Variants in E2F7 observed in about 807,000 individuals in gnomAD.
The protein encoded by E2F7 is transcription factor E2F7.
E2F7 carries 35 observed loss-of-function variants against 81.1 expected under a neutral mutation model. The ratio of observed to expected loss-of-function variants is 0.43; its 90% CI spans 0.33 to 0.57. E2F7 has a LOEUF of 0.57. Ranked by LOEUF, E2F7 falls within the 20% of genes least tolerant of loss-of-function variation. The probability of loss-of-function intolerance (pLI) is 0.04; values close to 1 mark genes in which losing one functional copy is unlikely to be tolerated. For synonymous variants in E2F7, 416 were observed against 416.2 expected (o/e 1.00, Z 0.01); for missense variants, 961 against 1,093.7 (o/e 0.88, Z 1.71).
intron 8 of E2F7, 62 bp downstream of exon 8, chr12:77,033,795 C>G: frequency 6.9e-7 from 1 of 1,458,708 alleles, no homozygotes; most frequent in Non-Finnish European, 9.1e-7. Context: ...GGGTGCTGCA[C>G]TGGCATGGGC....
intron 7 of E2F7, among the ~76,000 whole-genome samples, chr12:77,041,761 C>A (rs745401526): frequency 6.6e-6 from 1 of 152,294 alleles, no homozygotes; most frequent in East Asian, 1.9e-4. Context: ...AGTACCACCC[C>A]GTCTAGCATG....
intron 7 of E2F7, among the ~76,000 whole-genome samples, chr12:77,035,813 A>G (rs1048657374): frequency 6.6e-6 from 1 of 152,188 alleles, no homozygotes; most frequent in Non-Finnish European, 1.5e-5. Flanking sequence ...ATTGCATACC[A>G]TAAATTCAAG....
chr12:77,048,154 G>C (rs915768917), intron 4 of E2F7, among the ~76,000 whole-genome samples: 3 of 152,158 alleles, frequency 2.0e-5, no homozygotes, highest in African/African-American at 7.2e-5. Context: ...CTGCCTGTCT[G>C]CACAATCCCT....
chr12:77,065,082 C>CT (rs1338096757), intron 1 of E2F7, among the ~76,000 whole-genome samples: 4 of 152,164 alleles, frequency 2.6e-5, no homozygotes, highest in African/African-American at 9.7e-5. Flanking sequence ...AGCGCAGCCC[C>CT]TTCCCAGGCC....
chr12:77,035,820 C>G (rs894791797), intron 7 of E2F7, among the ~76,000 whole-genome samples: 1 of 151,896 alleles, frequency 6.6e-6, no homozygotes, highest in African/African-American at 2.4e-5. Context: ...ACCATAAATT[C>G]AAGACACTAG....
chr12:77,057,762 A>G (rs1955044629), intron 2 of E2F7, among the ~76,000 whole-genome samples: 1 of 152,220 alleles, frequency 6.6e-6, no homozygotes, highest in South Asian at 2.1e-4. Flanking sequence ...TGAGAATTCG[A>G]TAATTCAATA....
intron 1 of E2F7, 123 bp from the exon 2 acceptor site, chr12:77,064,758 T>A: frequency 1.3e-6 from 1 of 795,550 alleles, no homozygotes; most frequent in Non-Finnish European, 2.0e-6. Context: ...AAGCACATCC[T>A]GGGCATTTCC....
intron 2 of E2F7, among the ~76,000 whole-genome samples, chr12:77,057,483 T>A (rs1955042802): frequency 6.6e-6 from 1 of 152,194 alleles, no homozygotes; most frequent in Admixed American, 6.5e-5. Flanking sequence ...GTGCTAGGAT[T>A]ACAGGCATGA....
At chr12:77,057,095 C>T (rs937018667) in intron 2 of E2F7, among the ~76,000 whole-genome samples, 1 of 151,956 alleles carries the variant, frequency 6.6e-6, no homozygotes, top group Non-Finnish European at 1.5e-5. Context: ...CTCTGTAACC[C>T]AGGCTGGAGG....
chr12:77,053,579 T>C (rs1227002168), intron 3 of E2F7, among the ~76,000 whole-genome samples: 1 of 152,198 alleles, frequency 6.6e-6, no homozygotes, highest in Non-Finnish European at 1.5e-5. Context: ...TGAGAACCAC[T>C]GCCCAAGGCA....
In E2F7 at chr12:77,046,301, A is replaced by G; in HGVS notation, c.566T>C (p.Ile189Thr). 6.2e-7 allele frequency: 1 copy of G among 1,613,596 alleles called. No individual in the cohort carries two copies. The highest frequency in any genetic ancestry group is 8.5e-7 in the Non-Finnish European group (1 of 1,179,608). The change falls in exon 5 of 13, where the codon ATT becomes ACT. Residue 189 changes from isoleucine to threonine, a missense_variant. Physicochemically the swap from Ile to Thr is moderately conservative, Grantham distance 89 (BLOSUM62 -1). Transcript: ENST00000322886. ...ATGCAGCGACTCCAGCACATTTACAATGTCATAGATGCGTCTCCTTTCCAC... is the reference window on the plus strand; with the variant it reads ...ATGCAGCGACTCCAGCACATTTACAGTGTCATAGATGCGTCTCCTTTCCAC... ...LGVERRRIYD[I>T]VNVLESLHLV...
intron 7 of E2F7, among the ~76,000 whole-genome samples, chr12:77,040,825 A>G (rs1464971397): frequency 6.6e-6 from 1 of 152,206 alleles, no homozygotes; most frequent in Non-Finnish European, 1.5e-5. Context: ...ACTTCCTGCC[A>G]TTTATTGCAT....
At chr12:77,035,135 G>T (rs891659877) in intron 7 of E2F7, among the ~76,000 whole-genome samples, 1 of 152,140 alleles carries the variant, frequency 6.6e-6, no homozygotes, top group African/African-American at 2.4e-5. Context: ...TTTGCTTACT[G>T]CCTGGAGAAT....
intron 9 of E2F7, 97 bp downstream of exon 9, chr12:77,032,953 C>T: frequency 8.6e-7 from 1 of 1,160,990 alleles, no homozygotes; most frequent in Non-Finnish European, 1.2e-6. Context: ...AACGGCTGAC[C>T]TAAATTTTTT....
chr12:77,029,710 A>G lies in E2F7; in HGVS notation c.1884+121T>C. ...AGCCACTCCAGTGCTTAATTATGCA[A>G]GTGACATGAAACAGCTCCATATTCC... On this transcript the variant is annotated intron_variant, in intron 10 of 12. Coordinates refer to ENST00000322886, the MANE Select transcript of E2F7 (RefSeq NM_203394.3). The G allele has an allele frequency of 6.1e-6, 9 of 1,465,868 alleles. No individual in the cohort carries two copies. The South Asian group carries it at 1.1e-4, about 18-fold the overall frequency. 90.8% of individuals were successfully genotyped at this position (1,465,868 alleles called of 1,614,324 possible).
rs779479853 is a variant in E2F7 at position 77,055,923 on chromosome 12, G to A, written c.301C>T (p.Arg101Trp). The A allele has an allele frequency of 9.3e-6, 15 of 1,613,776 alleles. No individual in the cohort carries two copies. Among genetic ancestry groups the A allele is most frequent in the East Asian group, 8.9e-5 (4 of 44,872 alleles). The part of the protein sequence containing the change: ...ISAASPDIRD[R>W]EKKKGLFRPI... ...CGGAATAGTCCCTTTTTCTTCTCCC[G>A]GTCCCTTATATCTGGGCTGGCAGCA... Residue 101 changes from arginine to tryptophan, a missense_variant, in exon 3 of 13, where the codon CGG becomes TGG. Coordinates refer to ENST00000322886, the MANE Select transcript of E2F7 (RefSeq NM_203394.3).
At position 77,028,133 on chromosome 12, in the gene E2F7, G is replaced by A. The variant is rs774743256; in HGVS notation, c.1890C>T (p.Pro630=). 1.7e-5 allele frequency: 28 copies of A among 1,612,552 alleles called. No individual in the cohort carries two copies. The East Asian group carries it at 4.7e-4, about 27-fold the overall frequency. The change falls in exon 11 of 13, where the codon CCC becomes CCT. Residue 630 remains proline (P), a synonymous_variant. Coordinates refer to ENST00000322886, the MANE Select transcript of E2F7 (RefSeq NM_203394.3). ...GAGAGGCAAGGTCTGTGGAATCTGAGGGTTTCTAAACACAACCAAACCAGG... is the reference window on the plus strand; with the variant it reads ...GAGAGGCAAGGTCTGTGGAATCTGAAGGTTTCTAAACACAACCAAACCAGG... ...GPLSLVMPKK[P]SDSTDLASPK... is the part of the protein sequence containing the mutation.
At position 77,035,084 on chromosome 12, in the gene E2F7, C is replaced by A. The variant is rs527916251; in HGVS notation, c.1124-1042G>T. On this transcript the variant is annotated intron_variant, in intron 7 of 12. Coordinates refer to ENST00000322886, the MANE Select transcript of E2F7 (RefSeq NM_203394.3). The stretch of plus-strand genomic sequence containing the variant: ...ATCAGGACATGAAGGACAGTGATCT[C>A]TGTGAGACAGGAATCAAATAGGGTG... 6.2e-4 allele frequency among the ~76,000 whole-genome samples: 94 copies of A among 152,298 alleles called. 1 individual carries two copies. The highest frequency in any genetic ancestry group is 1.1e-3 in the Non-Finnish European group (72 of 68,026).
At chr12:77,026,683 C>G (rs1050820319) in intron 11 of E2F7, among the ~76,000 whole-genome samples, 93 of 152,140 alleles carry the variant, frequency 6.1e-4, no homozygotes, top group African/African-American at 2.0e-3. Context: ...TTTAACAGTA[C>G]CTTGACTTTG....
Sources: allele counts gnomAD v4.1 joint callset (sites outside exome capture counted in the v4.1 genomes callset), GRCh38; gene constraint gnomAD v4.1.1; transcripts MANE v1.5; gene names NCBI Gene and HGNC (gene_info 2026-07-23, HGNC 2026-07-21).